CSMD1: variants seen among roughly 807,000 people sequenced by gnomAD.
CSMD1 encodes the protein CUB and Sushi multiple domains 1.
In CSMD1, 213 loss-of-function variants were observed where a neutral mutation model predicts 417.5. That is an observed-to-expected ratio of 0.51 (90% CI 0.46 to 0.57). The LOEUF is 0.57. Ranked by LOEUF, CSMD1 falls within the 20% of genes least tolerant of loss-of-function variation. The pLI is 0.00. For synonymous variants in CSMD1, 2,862 were observed against 1,736.8 expected, an observed-to-expected ratio of 1.65 and a Z score of -16.11; for missense variants, 6,923 against 4,529.7, an observed-to-expected ratio of 1.53 and a Z score of -15.17.
chr8:4,519,934 T>TGC (rs1182355945), intron 2 of CSMD1, among the ~76,000 whole-genome samples: 3 of 108,794 alleles, frequency 2.8e-5, no homozygotes, highest in Admixed American at 2.0e-4. Flanking sequence ...TGTGTGTGTG[T>TGC]GCGTGTGTGT....
Position 3,575,066 on chromosome 8 carries a change from G to T in CSMD1, c.1223C>A (p.Ala408Glu), listed in dbSNP as rs912861753. The T allele has an allele frequency of 3.1e-6, 5 of 1,612,190 alleles. No homozygotes were observed. Among genetic ancestry groups the T allele is most frequent in the Non-Finnish European group, 4.2e-6 (5 of 1,179,182 alleles). ...AWSDHRPICR[A>E]RTCGSNLRGP... ...ACGCAGATTGGATCCACATGTTCTC[G>T]CTGGAAACACATAGAAACGACGTTA... Residue 408 changes from alanine to glutamate, a missense_variant and splice_region_variant, in exon 10 of 70, where the codon GCG becomes GAG. Transcript: ENST00000635120.
intron 3 of CSMD1, among the ~76,000 whole-genome samples, chr8:4,312,902 G>T (rs1291095935): frequency 6.6e-6 from 1 of 152,088 alleles, no homozygotes; most frequent in African/African-American, 2.4e-5. Context: ...ATCACACGTG[G>T]CAAAAACAAT....
chr8:4,635,624 A>T (rs959541384), intron 2 of CSMD1, among the ~76,000 whole-genome samples: 1 of 152,150 alleles, frequency 6.6e-6, no homozygotes, highest in Non-Finnish European at 1.5e-5. Context: ...GCATTTGAAT[A>T]AAATGGATTG....
chr8:3,772,396 C>CATATATACATATATTCATATATTT (rs1246977888), intron 5 of CSMD1, among the ~76,000 whole-genome samples: 1 of 68,408 alleles, frequency 1.5e-5, no homozygotes, highest in Non-Finnish European at 2.5e-5. Context: ...TTTATATATA[C>CATATATACATATATTCATATATTT]ACATATATAC....
intron 5 of CSMD1, among the ~76,000 whole-genome samples, chr8:3,952,073 T>G (rs1256931232): frequency 6.6e-6 from 1 of 152,208 alleles, no homozygotes; most frequent in East Asian, 1.9e-4. Flanking sequence ...ATTAGTTGTT[T>G]GAATAAAAAT....
intron 3 of CSMD1, among the ~76,000 whole-genome samples, chr8:4,057,039 G>C (rs1278204960): frequency 6.6e-6 from 1 of 152,116 alleles, no homozygotes; most frequent in Non-Finnish European, 1.5e-5. Flanking sequence ...ATAGTCCTTT[G>C]GGTATGTACC....
At chr8:4,439,151 T>C (rs1429862083) in intron 2 of CSMD1, among the ~76,000 whole-genome samples, 1 of 152,198 alleles carries the variant, frequency 6.6e-6, no homozygotes, top group Non-Finnish European at 1.5e-5. Flanking sequence ...GTTACTGCTG[T>C]GGTAAAGATT....
At chr8:4,753,439 ACAC>A (rs1811473735) in intron 1 of CSMD1, among the ~76,000 whole-genome samples, 1 of 144,428 alleles carries the variant, frequency 6.9e-6, no homozygotes, top group Admixed American at 7.0e-5. Flanking sequence ...ACACACACAC[ACAC>A]ACACATGCGC....
intron 37 of CSMD1, among the ~76,000 whole-genome samples, chr8:3,172,490 T>C (rs1442321314): frequency 3.9e-5 from 6 of 152,204 alleles, no homozygotes; most frequent in Admixed American, 3.9e-4. Context: ...TTCTTTCTAA[T>C]TGTGCCCCCA....
intron 2 of CSMD1, among the ~76,000 whole-genome samples, chr8:4,469,783 C>T (rs58122272): frequency 0.36 from 54,733 of 151,978 alleles, 11,666 homozygotes; most frequent in Middle Eastern, 0.47. Flanking sequence ...GGCGACAGCA[C>T]TCCTCTGCTT....
intron 25 of CSMD1, among the ~76,000 whole-genome samples, chr8:3,295,724 A>C (rs1803913948): frequency 6.6e-6 from 1 of 152,142 alleles, no homozygotes; most frequent in Non-Finnish European, 1.5e-5. Context: ...TATCTTTAGG[A>C]ATACCTGATT....
chr8:3,803,054 T>C (rs1174040875), intron 5 of CSMD1, among the ~76,000 whole-genome samples: 1 of 152,170 alleles, frequency 6.6e-6, no homozygotes, highest in Non-Finnish European at 1.5e-5. Context: ...GGAAGATGAA[T>C]AAAGTGGTGG....
intron 2 of CSMD1, among the ~76,000 whole-genome samples, chr8:4,606,249 A>G (rs1800862218): frequency 6.6e-6 from 1 of 152,176 alleles, no homozygotes; most frequent in South Asian, 2.1e-4. Flanking sequence ...CTTCAGTTAG[A>G]AATAAAACCT....
At chr8:3,246,278 C>T (rs1799875296) in intron 26 of CSMD1, among the ~76,000 whole-genome samples, 1 of 152,088 alleles carries the variant, frequency 6.6e-6, no homozygotes, top group Non-Finnish European at 1.5e-5. Context: ...TCCATGATCT[C>T]ATTCCTCACA....
chr8:3,403,669 G>A (rs1307345692), intron 15 of CSMD1, among the ~76,000 whole-genome samples: 1 of 152,170 alleles, frequency 6.6e-6, no homozygotes, highest in African/African-American at 2.4e-5. Flanking sequence ...ACAGAGATGA[G>A]AGTGTAGTGT....
intron 3 of CSMD1, among the ~76,000 whole-genome samples, chr8:4,222,757 G>A (rs1032380706): frequency 6.6e-6 from 1 of 152,148 alleles, no homozygotes; most frequent in Non-Finnish European, 1.5e-5. Context: ...CCCAGATGGA[G>A]GTTATAGTTT....
At chr8:3,488,034 A>T (rs1254018494) in intron 11 of CSMD1, among the ~76,000 whole-genome samples, 1 of 148,186 alleles carries the variant, frequency 6.7e-6, no homozygotes, top group Non-Finnish European at 1.5e-5. Flanking sequence ...TACTTAGAAG[A>T]GGTGACTTTT....
intron 5 of CSMD1, among the ~76,000 whole-genome samples, chr8:3,866,221 G>C (rs1047902628): frequency 1.3e-5 from 2 of 152,122 alleles, no homozygotes. Flanking sequence ...CCTAATTCTA[G>C]TTTTGTTGCC....
At chr8:4,198,346 T>C (rs1306151624) in intron 3 of CSMD1, among the ~76,000 whole-genome samples, 1 of 152,224 alleles carries the variant, frequency 6.6e-6, no homozygotes, top group Non-Finnish European at 1.5e-5. Context: ...TGGACCTGTG[T>C]GCTAAGCCAG....
Sources: allele counts gnomAD v4.1 joint callset (sites outside exome capture counted in the v4.1 genomes callset), GRCh38; gene constraint gnomAD v4.1.1; transcripts MANE v1.5; gene names NCBI Gene and HGNC (gene_info 2026-07-23, HGNC 2026-07-21).